Variants in MAP3K11 observed in about 807,000 individuals in gnomAD.
MAP3K11 encodes SH3 domain-containing proline-rich kinase.
In MAP3K11, 46 loss-of-function variants were observed where a neutral mutation model predicts 84.9. The ratio of observed to expected loss-of-function variants is 0.54; its 90% CI spans 0.43 to 0.69. The LOEUF is 0.69. Among genes scored for constraint, MAP3K11 ranks in the 30% least tolerant of loss-of-function variants. The pLI is 0.00. For synonymous variants in MAP3K11, 527 were observed against 514.7 expected, an observed-to-expected ratio of 1.02 and a Z score of -0.32; for missense variants, 1,053 against 1,198.3, an observed-to-expected ratio of 0.88 and a Z score of 1.79.
At chr11:65,612,444 T>G (rs1854580713) in intron 1 of MAP3K11, 1 of 152,378 alleles carries the variant, frequency 6.6e-6, no homozygotes, top group Non-Finnish European at 1.5e-5. Context: ...GCCCAAGCTG[T>G]TGAGCTGTTT....
rs1173932075 is a variant in MAP3K11 at position 65,607,722 on chromosome 11, C to A, written c.1164G>T (p.Pro388=). The A allele has an allele frequency of 1.2e-6, 2 of 1,613,806 alleles. No individual in the cohort carries two copies. The highest frequency in any genetic ancestry group is 1.7e-6 in the Non-Finnish European group (2 of 1,179,928). ...CCTGCATGGAATGGAAGGAGTCCCGCGGCATTTCCCGTAGGACCTGTGCCT... is the reference window on the plus strand; with the variant it reads ...CCTGCATGGAATGGAAGGAGTCCCGAGGCATTTCCCGTAGGACCTGTGCCT... ...ALEAQVLREM[P]RDSFHSMQEG... Residue 388 remains proline (P), a synonymous_variant, in exon 4 of 10, where the codon CCG becomes CCT. Coordinates refer to ENST00000309100, the MANE Select transcript of MAP3K11 (RefSeq NM_002419.4).
intron 9 of MAP3K11, 55 bp downstream of exon 9, chr11:65,599,339 T>C: frequency 1.3e-6 from 2 of 1,486,010 alleles, no homozygotes; most frequent in Non-Finnish European, 1.8e-6. Flanking sequence ...CACTCCTCCC[T>C]CCCTGGGAAC....
chr11:65,607,309 G>T lies in MAP3K11; in HGVS notation c.1450C>A (p.Arg484=), dbSNP rs771234053. Residue 484 remains arginine, a synonymous_variant, in exon 5 of 10, where the codon CGG becomes AGG. Coordinates refer to ENST00000309100, the MANE Select transcript of MAP3K11 (RefSeq NM_002419.4). ...ATACGCTCGCCGCCGTCGCGCGCCC[G>T]GAGCTTGCTGCGCTTGAATGTCCCG... The part of the protein sequence containing the change: ...RRGTFKRSKL[R]ARDGGERISM... 4.6e-6 allele frequency: 7 copies of T among 1,522,142 alleles called. No individual in the cohort carries two copies. The highest frequency in any genetic ancestry group is 6.1e-6 in the Non-Finnish European group (7 of 1,144,026). 94.3% of individuals were successfully genotyped at this position (1,522,142 alleles called of 1,614,324 possible).
chr11:65,607,692 G>T lies in MAP3K11; in HGVS notation c.1194C>A (p.Gly398=), dbSNP rs1482771004. The T allele has an allele frequency of 6.2e-7, 1 of 1,613,524 alleles. No homozygotes were observed. The highest frequency in any genetic ancestry group is 1.7e-5 in the Admixed American group (1 of 60,016). The change falls in exon 4 of 10, where the codon GGC becomes GGA. Residue 398 remains glycine, a synonymous_variant. Transcript: ENST00000309100. ...AGAGACCCTGGATCTCGCGCTTCCA[G>T]CCTTCCTGCATGGAATGGAAGGAGT... ...PRDSFHSMQE[G]WKREIQGLFD... is the part of the protein sequence containing the mutation.
chr11:65,605,491 AG>A (rs1565143722), intron 8 of MAP3K11: 2 of 334,758 alleles, frequency 6.0e-6, no homozygotes, highest in African/African-American at 4.3e-5. Flanking sequence ...GGGCCAGGGA[AG>A]AGGCTTCTTG....
At chr11:65,608,613 CTTTTCCTTTTT>C (rs1317301097) in intron 1 of MAP3K11, 165 bp from the exon 2 acceptor site, 15 of 595,524 alleles carry the variant, frequency 2.5e-5, no homozygotes, top group Non-Finnish European at 4.1e-5. Flanking sequence ...CATTTCTTTT[CTTTTCCTTTTT>C]TTTTTTTCTT....
intron 2 of MAP3K11, 52 bp from the exon 3 acceptor site, chr11:65,608,122 C>A (rs1375429458): frequency 1.2e-6 from 2 of 1,601,932 alleles, no homozygotes; most frequent in Non-Finnish European, 1.7e-6. Context: ...AACCCCCACC[C>A]CCTTACTGCC....
At position 65,599,816 on chromosome 11, in the gene MAP3K11, G is replaced by A. The variant is rs200790570; in HGVS notation, c.1832-48C>T. 7.5e-4 allele frequency: 1,182 copies of A among 1,569,602 alleles called. 3 individuals are homozygous for A. Among genetic ancestry groups the A allele is most frequent in the Non-Finnish European group, 3.8e-4 (439 of 1,166,444 alleles). On this transcript the variant is annotated intron_variant, in intron 8 of 9. Transcript: ENST00000309100. ...TGAGGGTGTGGCTGGTGCATATTCC[G>A]GGTGAGGGCCCAAGACCTCTCCGTG...
Position 65,613,024 on chromosome 11 carries a change from T to C in MAP3K11, c.733A>G (p.Asn245Asp), listed in dbSNP as rs749916030. 1.1e-5 allele frequency: 16 copies of C among 1,522,436 alleles called. No homozygotes were observed. Among genetic ancestry groups the C allele is most frequent in the Non-Finnish European group, 8.8e-7 (1 of 1,135,560 alleles). The allele number at this position is 1,522,436 out of a possible 1,614,324, so 94.3% of individuals were successfully genotyped here. A position where few individuals can be genotyped will look rare whatever the true frequency, so the allele number is the denominator to read the frequency against. ...VPVIHRDLKS[N>D]NILLLQPIES... ...CATGCCCCCAGAAACTCACTGTTGT[T>C]GGACTTGAGATCACGGTGGATGACG... Residue 245 changes from asparagine to aspartate, a missense_variant, in exon 1 of 10, where the codon AAC becomes GAC. Physicochemically the swap from Asn to Asp is conservative, Grantham distance 23. This residue lies in a region of MAP3K11 where 310 missense variants were observed against 464.5 expected (regional missense o/e 0.67). Transcript: ENST00000309100.
intron 1 of MAP3K11, 176 bp downstream of exon 1, chr11:65,612,842 G>T: frequency 1.7e-6 from 1 of 573,812 alleles, no homozygotes. Context: ...GACTCTGCTG[G>T]GTGCCTGGGG....
rs1018919506 is a variant in MAP3K11, at chr11:65,598,300, C to T, written c.2535G>A (p.Ala845=). ...GAGTGGCCTGGCCCACTCAAGGCCCCGCTTCCGGCACCCACGGGGCCTGGG... is the reference window on the plus strand; with the variant it reads ...GAGTGGCCTGGCCCACTCAAGGCCCTGCTTCCGGCACCCACGGGGCCTGGG... The part of the protein sequence containing the change: ...MGAQAPWVPE[A]GP Residue 845 remains alanine (A), a synonymous_variant, in exon 10 of 10, where the codon GCG becomes GCA. Transcript: ENST00000309100. The T allele has an allele frequency of 1.7e-5, 25 of 1,469,126 alleles. No homozygotes were observed. The highest frequency in any genetic ancestry group is 2.6e-5 in the Admixed American group (1 of 39,020). The allele number at this position is 1,469,126 out of a possible 1,614,324, so 91.0% of individuals were successfully genotyped here.
At chr11:65,612,338 C>T (rs1854578923) in intron 1 of MAP3K11, 1 of 152,306 alleles carries the variant, frequency 6.6e-6, no homozygotes, top group Non-Finnish European at 1.5e-5. Flanking sequence ...ATCCCAAGCA[C>T]TGATTTCAGG....
intron 8 of MAP3K11, among the ~76,000 whole-genome samples, chr11:65,604,692 C>G (rs1180145054): frequency 6.6e-6 from 1 of 150,472 alleles, no homozygotes; most frequent in African/African-American, 2.4e-5. Context: ...TTACAACTAT[C>G]AAGTGTAGCT....
rs774552032 is a variant in MAP3K11 at position 65,608,390 on chromosome 11, G to A, written c.798C>T (p.Thr266=). The change falls in exon 2 of 10, where the codon ACC becomes ACT. Residue 266 remains threonine, a synonymous_variant. Transcript: ENST00000309100. ...DDMEHKTLKI[T]DFGLAREWHK... ...GCCACTCTCGGGCCAGGCCAAAGTC[G>A]GTGATCTTCAGGGTCTTGTGCTCCA... The A allele has an allele frequency of 9.9e-6, 16 of 1,614,084 alleles. No individual in the cohort carries two copies. The highest frequency in any genetic ancestry group is 2.2e-5 in the South Asian group (2 of 91,088).
rs1854527821 is a variant in MAP3K11, at chr11:65,607,680, C to G, written c.1206G>C (p.Glu402Asp). 3 of 1,613,090 alleles carry G rather than the reference C, an allele frequency of 1.9e-6. No homozygotes were observed. Among genetic ancestry groups the G allele is most frequent in the Non-Finnish European group, 2.5e-6 (3 of 1,179,382 alleles). Residue 402 changes from glutamate (E) to aspartate (D), a missense_variant, in exon 4 of 10, where the codon GAG (glutamate) becomes GAC (aspartate). By Grantham distance (45) the Glu-to-Asp change is conservative (BLOSUM62 2). Transcript: ENST00000309100. ...GCAGCTCGTCGAAGAGACCCTGGAT[C>G]TCGCGCTTCCAGCCTTCCTGCATGG... ...FHSMQEGWKR[E>D]IQGLFDELRA...
Position 65,607,386 on chromosome 11 carries a change from G to A in MAP3K11, c.1373C>T (p.Thr458Met). 2.7e-6 allele frequency: 4 copies of A among 1,494,700 alleles called. No individual in the cohort carries two copies. The highest frequency in any genetic ancestry group is 3.5e-6 in the Non-Finnish European group (4 of 1,129,492). 92.6% of individuals were successfully genotyped at this position (1,494,700 alleles called of 1,614,324 possible). Residue 458 changes from threonine to methionine, a missense_variant, in exon 5 of 10, where the codon ACG becomes ATG. Around this residue, in one of 3 missense-constraint regions of MAP3K11, gnomAD observed 310 missense variants for 464.5 expected, o/e 0.67. Coordinates refer to ENST00000309100, the MANE Select transcript of MAP3K11 (RefSeq NM_002419.4). ...WELEVFEREL[T>M]LLLQQVDRER... ...GCGGTCCACCTGCTGCAGCAGCAGCGTCAGCTCGCGCTCGAACACCTCTAG... is the reference window on the plus strand; with the variant it reads ...GCGGTCCACCTGCTGCAGCAGCAGCATCAGCTCGCGCTCGAACACCTCTAG...
chr11:65,606,057 G>T lies in MAP3K11; in HGVS notation c.1628C>A (p.Ala543Glu). The part of the protein sequence containing the change: ...IQLEPAEPGQ[A>E]WGRQSPRRLE... The stretch of plus-strand genomic sequence containing the variant: ...ACGTCGGGGGGACTGGCGGCCCCAT[G>T]CCTGGCCTGGCTCTGCAGGCTCCAC... Residue 543 changes from alanine to glutamate, a missense_variant, in exon 7 of 10, where the codon GCA becomes GAA. Physicochemically the swap from Ala to Glu is moderately radical, Grantham distance 107. This residue lies in a region of MAP3K11 where 583 missense variants were observed against 566.6 expected (regional missense o/e 1.03). Coordinates refer to ENST00000309100, the MANE Select transcript of MAP3K11 (RefSeq NM_002419.4). 1.9e-6 allele frequency: 3 copies of T among 1,584,792 alleles called. No homozygotes were observed. Among genetic ancestry groups the T allele is most frequent in the Non-Finnish European group, 1.7e-6 (2 of 1,168,028 alleles).
intron 8 of MAP3K11, among the ~76,000 whole-genome samples, chr11:65,604,468 AGCAAATGGCGGG>A (rs1454236267): frequency 6.6e-6 from 1 of 152,240 alleles, no homozygotes; most frequent in Admixed American, 6.5e-5. Flanking sequence ...CTGCTGGAGT[AGCAAATGGCGGG>A]GCAGATGGAG....
In MAP3K11 at chr11:65,598,339, G is replaced by T; in HGVS notation, c.2496C>A (p.Thr832=). 2.0e-6 allele frequency: 3 copies of T among 1,509,950 alleles called. No individual in the cohort carries two copies. Among genetic ancestry groups the T allele is most frequent in the Admixed American group, 4.4e-5 (2 of 45,268 alleles). 93.5% of individuals were successfully genotyped at this position (1,509,950 alleles called of 1,614,324 possible). ...ACGGGGCCTGGGCACCCATGTCTTT[G>T]GTCTGTGCCCTGCAGTCCTGGGGGC... ...QGGPQDCRAQ[T]KDMGAQAPWV... is the part of the protein sequence containing the mutation. Residue 832 remains threonine (T), a synonymous_variant, in exon 10 of 10, where the codon ACC becomes ACA. Transcript: ENST00000309100.
Sources: allele counts gnomAD v4.1 joint callset (sites outside exome capture counted in the v4.1 genomes callset), GRCh38; gene constraint gnomAD v4.1.1; regional missense constraint gnomAD v4.1.1; transcripts MANE v1.5; gene names NCBI Gene and HGNC (gene_info 2026-07-23, HGNC 2026-07-21).